The following FRMPD4 variants were observed in gnomAD, a reference collection of about 807,000 sequenced individuals.
FRMPD4 encodes FERM and PDZ domain-containing protein 4.
Under a neutral mutation model 94.1 loss-of-function variants are expected in FRMPD4, and 22 were observed. The ratio of observed to expected loss-of-function variants is 0.23; its 90% CI spans 0.17 to 0.33. FRMPD4 has a LOEUF of 0.33. FRMPD4 is among the 10% of genes least tolerant of loss of function. The pLI, the probability that FRMPD4 is intolerant of heterozygous loss-of-function variation, is 1.00. For missense variants in FRMPD4, 1,111 were observed against 1,339.9 expected (o/e 0.83, Z 2.67); for synonymous variants, 631 against 548.6 (o/e 1.15, Z -2.10).
intron 2 of FRMPD4, among the ~76,000 whole-genome samples, chrX:12,541,239 C>T (rs1376747565): frequency 2.7e-5 from 3 of 111,442 alleles, no homozygotes; most frequent in Non-Finnish European, 3.8e-5. Context: ...TAACTAAGAT[C>T]AGAGCAGAAC....
At chrX:12,187,963 A>C (rs2056444573) in intron 1 of FRMPD4, among the ~76,000 whole-genome samples, 1 of 111,673 alleles carries the variant, frequency 9.0e-6, no homozygotes, top group Non-Finnish European at 1.9e-5. Context: ...TAGTGTGAAC[A>C]CCCCAAACCA....
chrX:12,108,882 A>G (rs1408108134), intron 3 of FRMPD4, among the ~76,000 whole-genome samples: 9 of 112,079 alleles, frequency 8.0e-5, no homozygotes, highest in African/African-American at 2.9e-4. Context: ...AGTATCCTAA[A>G]CATATATGCA....
At chrX:12,472,312 T>C (rs768955949) in intron 1 of FRMPD4, among the ~76,000 whole-genome samples, 1 of 112,134 alleles carries the variant, frequency 8.9e-6, no homozygotes, top group East Asian at 2.8e-4. Context: ...GAGAACCCAG[T>C]ATAAAAGCTA....
intron 1 of FRMPD4, among the ~76,000 whole-genome samples, chrX:12,447,348 C>T (rs2057210477): frequency 8.9e-6 from 1 of 111,781 alleles, no homozygotes; most frequent in Non-Finnish European, 1.9e-5. Flanking sequence ...GTTGTGACAA[C>T]CAAAAGTATT....
intron 2 of FRMPD4, among the ~76,000 whole-genome samples, chrX:12,579,314 G>A (rs2058841691): frequency 8.9e-6 from 1 of 112,504 alleles, no homozygotes; most frequent in Non-Finnish European, 1.9e-5. Flanking sequence ...CAATGCAACT[G>A]AGTAGCTTAT....
chrX:12,624,248 A>G (rs1602226345), intron 4 of FRMPD4, among the ~76,000 whole-genome samples: 1 of 112,542 alleles, frequency 8.9e-6, no homozygotes, highest in Non-Finnish European at 1.9e-5. Flanking sequence ...CTAATACTGT[A>G]ATGGTAGTGT....
intron 1 of FRMPD4, among the ~76,000 whole-genome samples, chrX:12,210,445 C>T (rs1349593993): frequency 9.0e-6 from 1 of 111,549 alleles, no homozygotes; most frequent in African/African-American, 3.3e-5. Context: ...AGTCACACAT[C>T]TTCCCTCAGA....
At chrX:12,145,782 C>T (rs773479135) in intron 1 of FRMPD4, among the ~76,000 whole-genome samples, 17 of 111,731 alleles carry the variant, frequency 1.5e-4, no homozygotes, top group Non-Finnish European at 2.6e-4. Context: ...CTGCCCAGTA[C>T]TCAAATTTCC....
At chrX:12,276,009 G>A (rs1266723905) in intron 1 of FRMPD4, among the ~76,000 whole-genome samples, 3 of 111,567 alleles carry the variant, frequency 2.7e-5, no homozygotes, top group South Asian at 3.8e-4. Flanking sequence ...GTCTTGTCCT[G>A]TAACTTAGTT....
intron 1 of FRMPD4, among the ~76,000 whole-genome samples, chrX:12,352,877 CTGT>C (rs1437869918): frequency 2.7e-5 from 3 of 112,138 alleles, no homozygotes; most frequent in African/African-American, 6.5e-5. Flanking sequence ...GTCTTTGCTC[CTGT>C]TGTTATCTAG....
At chrX:11,921,625 G>C (rs943295051) in intron 3 of FRMPD4, among the ~76,000 whole-genome samples, 5 of 112,006 alleles carry the variant, frequency 4.5e-5, no homozygotes, top group African/African-American at 1.6e-4. Context: ...CAGCTCTGTT[G>C]CTGGTCCATT....
intron 3 of FRMPD4, among the ~76,000 whole-genome samples, chrX:11,944,908 A>C (rs1282925162): frequency 8.9e-6 from 1 of 112,547 alleles, no homozygotes. Context: ...ACTGGAAAAT[A>C]AATCCTCTGT....
chrX:12,358,756 C>T (rs7892480), intron 1 of FRMPD4, among the ~76,000 whole-genome samples: 30,479 of 110,819 alleles, frequency 0.28, 3,476 homozygotes, highest in African/African-American at 0.43. Context: ...GTTCTCTAAG[C>T]GGAAAAGGGA....
chrX:12,190,694 T>G (rs865855002), intron 1 of FRMPD4, among the ~76,000 whole-genome samples: 2 of 86,997 alleles, frequency 2.3e-5, no homozygotes, highest in African/African-American at 8.1e-5. Context: ...ACATCCACAT[T>G]AAAAAAAAAA....
chrX:12,039,112 C>T (rs2054736657), intron 3 of FRMPD4, among the ~76,000 whole-genome samples: 3 of 110,774 alleles, frequency 2.7e-5, no homozygotes, highest in Admixed American at 9.6e-5. Flanking sequence ...AAGCGATCCC[C>T]CCACCTCAGC....
At chrX:12,573,719 A>T (rs1466456332) in intron 2 of FRMPD4, among the ~76,000 whole-genome samples, 1 of 112,401 alleles carries the variant, frequency 8.9e-6, no homozygotes, top group Non-Finnish European at 1.9e-5. Flanking sequence ...AATACTGAAG[A>T]TCCATTCAGG....
chrX:12,168,367 G>A (rs2214179), intron 1 of FRMPD4, among the ~76,000 whole-genome samples: 25,139 of 86,305 alleles, frequency 0.29, 3,367 homozygotes, highest in East Asian at 0.69. Context: ...GCCAGATTGG[G>A]AAAAAAAAAA....
chrX:12,587,072 G>A (rs12387410), intron 2 of FRMPD4, among the ~76,000 whole-genome samples: 3,824 of 109,677 alleles, frequency 0.035, 174 homozygotes, highest in African/African-American at 0.12. Flanking sequence ...TGCCTCGCGG[G>A]TTCAAGTGAT....
intron 1 of FRMPD4, among the ~76,000 whole-genome samples, chrX:11,830,922 T>C (rs1419584835): frequency 9.0e-6 from 1 of 111,616 alleles, no homozygotes; most frequent in Admixed American, 9.6e-5. Flanking sequence ...TCTTGCCTTA[T>C]ATTTGGCTAC....
Sources: allele counts gnomAD v4.1 joint callset (sites outside exome capture counted in the v4.1 genomes callset), GRCh38; gene constraint gnomAD v4.1.1; transcripts MANE v1.5; gene names NCBI Gene and HGNC (gene_info 2026-07-23, HGNC 2026-07-21).